ALK: variants seen among roughly 807,000 people sequenced by gnomAD.
ALK encodes the protein ALK receptor tyrosine kinase, also known as ALK tyrosine kinase receptor.
Under a neutral mutation model 163.1 loss-of-function variants are expected in ALK, and 74 were observed. The observed-to-expected ratio is 0.45, with a 90% CI of 0.38 to 0.55. The LOEUF is 0.55. ALK is among the 20% of genes least tolerant of loss of function. The pLI, the probability that ALK is intolerant of heterozygous loss-of-function variation, is 0.00. For missense variants in ALK, 2,063 were observed against 2,105.3 expected, an observed-to-expected ratio of 0.98 and a Z score of 0.39; for synonymous variants, 960 against 843.2, an observed-to-expected ratio of 1.14 and a Z score of -2.40.
chr2:29,445,825 C>T (rs997264586), intron 4 of ALK, among the ~76,000 whole-genome samples: 3 of 151,434 alleles, frequency 2.0e-5, no homozygotes, highest in Non-Finnish European at 4.4e-5. Flanking sequence ...GCTGGCCGGG[C>T]GCGGTGGCTC....
chr2:29,628,199 A>C (rs1676251869), intron 3 of ALK, among the ~76,000 whole-genome samples: 2 of 152,166 alleles, frequency 1.3e-5, no homozygotes, highest in Admixed American at 6.5e-5. Flanking sequence ...CTGAAATACA[A>C]TAAAAGCACC....
At chr2:29,243,666 T>C (rs2148191312) in intron 12 of ALK, among the ~76,000 whole-genome samples, 1 of 152,320 alleles carries the variant, frequency 6.6e-6, no homozygotes, top group African/African-American at 2.4e-5. Context: ...CAGCCTTAGC[T>C]CTTCTGAAGA....
chr2:29,540,491 T>C (rs1196197462), intron 3 of ALK, among the ~76,000 whole-genome samples: 1 of 151,962 alleles, frequency 6.6e-6, no homozygotes, highest in South Asian at 2.1e-4. Context: ...TCAGGCCAAA[T>C]ATTATCAAAC....
intron 4 of ALK, among the ~76,000 whole-genome samples, chr2:29,447,325 G>T (rs1670710754): frequency 6.6e-6 from 1 of 152,198 alleles, no homozygotes; most frequent in Non-Finnish European, 1.5e-5. Flanking sequence ...TGGGCAGGGA[G>T]AGTTGAGACT....
chr2:29,655,145 C>A (rs1174060837), intron 3 of ALK, among the ~76,000 whole-genome samples: 1 of 152,118 alleles, frequency 6.6e-6, no homozygotes, highest in Non-Finnish European at 1.5e-5. Flanking sequence ...ATGTCTGTCT[C>A]TGATTTATCA....
chr2:29,700,885 T>C (rs917868569), intron 2 of ALK, among the ~76,000 whole-genome samples: 2 of 152,174 alleles, frequency 1.3e-5, no homozygotes, highest in African/African-American at 4.8e-5. Flanking sequence ...ACAAACCACC[T>C]TGAACACTCT....
intron 3 of ALK, among the ~76,000 whole-genome samples, chr2:29,603,019 G>T (rs1044383085): frequency 4.6e-5 from 7 of 152,214 alleles, no homozygotes; most frequent in Non-Finnish European, 1.0e-4. Context: ...GGGCTTGCAG[G>T]TCAGAGGTAG....
chr2:29,559,558 G>A (rs1193359556), intron 3 of ALK, among the ~76,000 whole-genome samples: 1 of 152,128 alleles, frequency 6.6e-6, no homozygotes, highest in Non-Finnish European at 1.5e-5. Flanking sequence ...ATTTTGGGGG[G>A]TATATTTCTG....
rs149254561 is a variant in ALK, at chr2:29,214,070, G to A, written c.3657C>T (p.Ser1219=). 1.9e-6 allele frequency: 3 copies of A among 1,614,018 alleles called. No homozygotes were observed. The highest frequency in any genetic ancestry group is 2.5e-6 in the Non-Finnish European group (3 of 1,179,908). The change falls in exon 24 of 29, where the codon TCC becomes TCT. Residue 1219 remains serine, a synonymous_variant. Coordinates refer to ENST00000389048, the MANE Select transcript of ALK (RefSeq NM_004304.5). ...RETRPRPSQP[S]SLAMLDLLHV... ...GCAGAAGGTCCAGCATGGCCAGGGA[G>A]GAGGGCTGGCTCTGTGGGGAGACAG...
chr2:29,348,586 G>A (rs1161715069), intron 5 of ALK, among the ~76,000 whole-genome samples: 2 of 152,182 alleles, frequency 1.3e-5, no homozygotes, highest in Middle Eastern at 3.2e-3. Context: ...ACGAGGGCAG[G>A]ACACTGATTG....
chr2:29,298,859 C>T (rs754029413), intron 8 of ALK, among the ~76,000 whole-genome samples: 3 of 152,170 alleles, frequency 2.0e-5, no homozygotes, highest in Admixed American at 6.5e-5. Context: ...TCCCCCAGTC[C>T]TTGCTCTTTT....
chr2:29,288,285 C>A (rs999980417), intron 9 of ALK, among the ~76,000 whole-genome samples: 7 of 152,132 alleles, frequency 4.6e-5, no homozygotes, highest in Admixed American at 3.9e-4. Flanking sequence ...GCTCATTGAC[C>A]GGGTTTCTGT....
At chr2:29,362,522 A>C (rs984961061) in intron 5 of ALK, among the ~76,000 whole-genome samples, 2 of 152,136 alleles carry the variant, frequency 1.3e-5, no homozygotes, top group Non-Finnish European at 2.9e-5. Flanking sequence ...GCTCCTGGGG[A>C]GAGGGAAGGA....
intron 3 of ALK, among the ~76,000 whole-genome samples, chr2:29,670,552 G>C (rs931495863): frequency 5.9e-5 from 9 of 152,048 alleles, no homozygotes; most frequent in African/African-American, 2.2e-4. Context: ...TATTTCCCAA[G>C]TTTGAGGAAG....
chr2:29,703,978 G>T (rs747282081), intron 2 of ALK, among the ~76,000 whole-genome samples: 12 of 152,112 alleles, frequency 7.9e-5, no homozygotes, highest in African/African-American at 2.7e-4. Flanking sequence ...CTGGTCAGAC[G>T]TACTGAACCA....
At chr2:29,831,274 A>AGAAGAAGAG (rs1665410254) in intron 1 of ALK, among the ~76,000 whole-genome samples, 1 of 111,254 alleles carries the variant, frequency 9.0e-6, no homozygotes, top group African/African-American at 3.1e-5. Context: ...AAGAAGAAGA[A>AGAAGAAGAG]GAAGAAGAAG....
At chr2:29,463,386 A>G (rs1419685547) in intron 4 of ALK, among the ~76,000 whole-genome samples, 2 of 152,210 alleles carry the variant, frequency 1.3e-5, no homozygotes, top group Non-Finnish European at 2.9e-5. Flanking sequence ...ATGTTTTAAT[A>G]TGAAAGTCTG....
intron 26 of ALK, among the ~76,000 whole-genome samples, chr2:29,203,819 TTGG>T (rs1413071477): frequency 6.6e-6 from 1 of 151,918 alleles, no homozygotes; most frequent in Non-Finnish European, 1.5e-5. Flanking sequence ...TGATTGGCAC[TTGG>T]TGAATTCTTT....
chr2:29,509,857 G>A (rs1025052622), intron 4 of ALK, among the ~76,000 whole-genome samples: 1 of 152,152 alleles, frequency 6.6e-6, no homozygotes, highest in African/African-American at 2.4e-5. Context: ...GCTAGAGAGG[G>A]GGCTTTATTT....
Sources: allele counts gnomAD v4.1 joint callset (sites outside exome capture counted in the v4.1 genomes callset), GRCh38; gene constraint gnomAD v4.1.1; transcripts MANE v1.5; gene names NCBI Gene and HGNC (gene_info 2026-07-23, HGNC 2026-07-21).